The following METTL25 variants were observed in gnomAD, a reference collection of about 807,000 sequenced individuals.
The protein encoded by METTL25 is probable methyltransferase-like protein 25.
METTL25 carries 64 observed loss-of-function variants against 71.6 expected under a neutral mutation model. The ratio of observed to expected loss-of-function variants is 0.89; its 90% confidence interval spans 0.73 to 1.10. The LOEUF is 1.10. Among genes scored for constraint, METTL25 ranks in the 50% least tolerant of loss-of-function variants. The pLI, the probability that METTL25 is intolerant of heterozygous loss-of-function variation, is 0.00. For missense variants in METTL25, 807 were observed against 707.0 expected (o/e 1.14, Z -1.60); for synonymous variants, 287 against 250.3 (o/e 1.15, Z -1.38).
At position 82,399,029 on chromosome 12, in the gene METTL25, G is replaced by A; in HGVS notation, c.766G>A (p.Ala256Thr). ...AGTGCAAAATAAAGTTAAAAATAAA[G>A]CTGATACTGAGGAAGTGTTTAACAA... ...RKVQNKVKNKADTEEVFNNSP... is the reference protein window; with the variant it reads ...RKVQNKVKNKTDTEEVFNNSP... The change falls in exon 4 of 12, where the codon GCT (alanine) becomes ACT (threonine). Residue 256 changes from alanine (A) to threonine (T), a missense_variant. Physicochemically the swap from Ala to Thr is moderately conservative, Grantham distance 58 (BLOSUM62 0). Coordinates refer to ENST00000248306, the MANE Select transcript of METTL25 (RefSeq NM_032230.3). 6.2e-7 allele frequency: 1 copy of A among 1,611,738 alleles called. No homozygotes were observed.
At chr12:82,431,612 C>T (rs1034201437) in intron 6 of METTL25, among the ~76,000 whole-genome samples, 1 of 151,374 alleles carries the variant, frequency 6.6e-6, no homozygotes, top group Admixed American at 6.6e-5. Context: ...GCTCTTACTG[C>T]ACACACACAC....
In METTL25 at chr12:82,398,902, T is replaced by C. The variant is rs1886329742; in HGVS notation, c.639T>C (p.Ala213=). The C allele has an allele frequency of 5.6e-6, 9 of 1,612,682 alleles. No homozygotes were observed. The highest frequency in any genetic ancestry group is 7.6e-6 in the Non-Finnish European group (9 of 1,179,550). ...CTTCAAATACCAATACTCATGGAGC[T>C]GAGGAGAGAAACAGAAAATTGAAGA... The part of the protein sequence containing the change: ...IDSSNTNTHG[A]EERNRKLKKH... The change falls in exon 4 of 12, where the codon GCT becomes GCC. Residue 213 remains alanine, a synonymous_variant. Transcript: ENST00000248306.
At chr12:82,381,423 T>A (rs1241331908) in intron 1 of METTL25, among the ~76,000 whole-genome samples, 1 of 152,238 alleles carries the variant, frequency 6.6e-6, no homozygotes, top group Non-Finnish European at 1.5e-5. Context: ...CATGTCAATA[T>A]CTTGTTAATT....
At chr12:82,424,471 C>T (rs544367776) in intron 5 of METTL25, among the ~76,000 whole-genome samples, 1 of 152,000 alleles carries the variant, frequency 6.6e-6, no homozygotes, top group South Asian at 2.1e-4. Flanking sequence ...GCCAACATGG[C>T]ACATGTATAC....
chr12:82,378,309 G>A (rs1259464196), intron 1 of METTL25, among the ~76,000 whole-genome samples: 1 of 152,052 alleles, frequency 6.6e-6, no homozygotes, highest in African/African-American at 2.4e-5. Context: ...TTGAATAATG[G>A]CCTGTAAAGA....
intron 1 of METTL25, among the ~76,000 whole-genome samples, chr12:82,373,731 G>T (rs1357655068): frequency 6.6e-6 from 1 of 152,186 alleles, no homozygotes; most frequent in East Asian, 1.9e-4. Flanking sequence ...TCAACCCTTG[G>T]CTCAGCCCAG....
At chr12:82,398,703 T>C in intron 3 of METTL25, 92 bp from the exon 4 acceptor site, 1 of 755,048 alleles carries the variant, frequency 1.3e-6, no homozygotes, top group Non-Finnish European at 1.9e-6. Context: ...ATTTAAGTTA[T>C]ATAACTCATT....
chr12:82,373,109 T>G (rs1371815510), intron 1 of METTL25, among the ~76,000 whole-genome samples: 2 of 152,158 alleles, frequency 1.3e-5, no homozygotes, highest in Non-Finnish European at 2.9e-5. Flanking sequence ...TGATGCATTA[T>G]CGAAAACCTG....
At chr12:82,440,478 C>G (rs996404063) in intron 8 of METTL25, among the ~76,000 whole-genome samples, 1 of 152,030 alleles carries the variant, frequency 6.6e-6, no homozygotes, top group Non-Finnish European at 1.5e-5. Flanking sequence ...TGACCGTTAT[C>G]AAACATTAGA....
rs139768175 is a variant in METTL25 at position 82,431,364 on chromosome 12, G to A, written c.1374+377G>A. ...TCTAATTAAATAAAACATTTATTGT[G>A]CTGCATTTGACTAGTGCCCTCAGAC... On this transcript the variant is annotated intron_variant, in intron 6 of 11. Coordinates refer to ENST00000248306, the MANE Select transcript of METTL25 (RefSeq NM_032230.3). Among the ~76,000 whole-genome samples, 387 of 151,630 alleles carry A rather than the reference G, an allele frequency of 2.6e-3. 3 individuals carry two copies. The highest frequency in any genetic ancestry group is 8.6e-3 in the African/African-American group (358 of 41,452).
rs527402362 is a variant in METTL25 at position 82,456,791 on chromosome 12, C to T, written c.1543C>T (p.Leu515=). ...SSFLDYVRRS[L]KKLGLDESKL... The stretch of plus-strand genomic sequence containing the variant: ...TTTTCTGGATTATGTCAGACGGTCT[C>T]TAAAGAAGCTTGGATTAGATGAGTC... Residue 515 remains leucine (L), a synonymous_variant, in exon 9 of 12, where the codon CTA becomes TTA. Transcript: ENST00000248306. 45 of 1,600,272 alleles carry T rather than the reference C, an allele frequency of 2.8e-5. No individual in the cohort carries two copies. In the South Asian group the frequency reaches 4.5e-4, roughly 16 times the overall value.
At chr12:82,427,787 T>C (rs1270667702) in intron 5 of METTL25, among the ~76,000 whole-genome samples, 1 of 106,942 alleles carries the variant, frequency 9.4e-6, no homozygotes, top group African/African-American at 3.2e-5. Flanking sequence ...CATCTGTTTA[T>C]TCTAGTGTGA....
At chr12:82,388,603 G>T (rs1885271331) in intron 2 of METTL25, among the ~76,000 whole-genome samples, 2 of 151,946 alleles carry the variant, frequency 1.3e-5, no homozygotes, top group Admixed American at 1.3e-4. Context: ...GCCACAGTTT[G>T]GGCATCAAAG....
At chr12:82,415,645 A>G (rs1279500762) in intron 5 of METTL25, among the ~76,000 whole-genome samples, 2 of 152,136 alleles carry the variant, frequency 1.3e-5, no homozygotes, top group African/African-American at 4.8e-5. Context: ...GAGAAGACGG[A>G]TGTCTCAGCT....
chr12:82,463,798 C>A (rs1321140586), intron 9 of METTL25, among the ~76,000 whole-genome samples: 3 of 151,790 alleles, frequency 2.0e-5, no homozygotes, highest in Non-Finnish European at 4.4e-5. Context: ...GAGATGATAC[C>A]TCATTGTGGT....
chr12:82,358,864 G>C, intron 1 of METTL25, 40 bp downstream of exon 1: 1 of 1,562,594 alleles, frequency 6.4e-7, no homozygotes, highest in Non-Finnish European at 8.7e-7. Flanking sequence ...GGAGGCGGAG[G>C]AGAAGGTCCC....
chr12:82,417,216 C>T (rs576033921), intron 5 of METTL25, among the ~76,000 whole-genome samples: 1 of 151,922 alleles, frequency 6.6e-6, no homozygotes, highest in Non-Finnish European at 1.5e-5. Context: ...GAAAAAAAAT[C>T]TATATTTTGT....
chr12:82,477,949 C>T (rs73153577), intron 11 of METTL25, among the ~76,000 whole-genome samples: 8,320 of 151,768 alleles, frequency 0.055, 285 homozygotes, highest in Middle Eastern at 0.11. Context: ...CGAATGTTTC[C>T]GCTATAAACT....
chr12:82,463,720 T>G (rs1047158113), intron 9 of METTL25, among the ~76,000 whole-genome samples: 1 of 152,012 alleles, frequency 6.6e-6, no homozygotes, highest in Non-Finnish European at 1.5e-5. Context: ...AGGAGTTCCT[T>G]TTTCTCTGCA....
Sources: gnomAD v4.1 joint callset for allele counts (sites outside exome capture counted in the v4.1 genomes callset) on GRCh38, gnomAD v4.1.1 for gene constraint, MANE v1.5 for transcripts, NCBI Gene and HGNC (gene_info 2026-07-23, HGNC 2026-07-21) for gene names.